Variants in ABCB11 observed in about 807,000 individuals in gnomAD.
ABCB11 encodes the protein bile salt export pump.
A neutral mutation model predicts 148.0 loss-of-function variants in ABCB11; 95 were observed. That is an observed-to-expected ratio of 0.64 (90% CI 0.54 to 0.76). ABCB11 has a LOEUF of 0.76. Among genes scored for constraint, ABCB11 ranks in the 30% least tolerant of loss-of-function variants. The pLI, the probability that ABCB11 is intolerant of heterozygous loss-of-function variation, is 0.00. For missense variants in ABCB11, 1,523 were observed against 1,617.8 expected, an observed-to-expected ratio of 0.94 and a Z score of 1.01; for synonymous variants, 591 against 555.4, an observed-to-expected ratio of 1.06 and a Z score of -0.90.
In ABCB11 at chr2:168,932,519, ACTGCAGAGATCACC is replaced by A; in HGVS notation, c.3057_3070del (p.Arg1019SerfsTer22). 1 of 1,613,566 alleles carries A rather than the reference ACTGCAGAGATCACC, an allele frequency of 6.2e-7. No homozygotes were observed. Among genetic ancestry groups the A allele is most frequent in the Non-Finnish European group, 8.5e-7 (1 of 1,179,750 alleles). On this transcript the variant is annotated frameshift_variant and splice_region_variant, in exon 24 of 28. Transcript: ENST00000650372. LOFTEE classifies it high-confidence loss of function. ...TCCAAGAGCTGTTGCACTCAGTACA[ACTGCAGAGATCACC>A]CTGTAACCAGACAGACACACAGGAA...
Position 168,964,216 on chromosome 2 carries a change from T to A in ABCB11, c.2168A>T (p.Glu723Val). 1 of 1,555,684 alleles carries A rather than the reference T, an allele frequency of 6.4e-7. No homozygotes were observed. Among genetic ancestry groups the A allele is most frequent in the African/African-American group, 1.4e-5 (1 of 73,488 alleles). Reference protein sequence around the residue: ...AVVDHKSTYEEDRKDKDIPVQ... With the variant: ...AVVDHKSTYEVDRKDKDIPVQ... The stretch of plus-strand genomic sequence containing the variant: ...CAGTTGGTGCCTGACCTTTCTATCT[T>A]CTTCATAGGTAGACTTATGATCTAC... The change falls in exon 18 of 28, where the codon GAA (glutamate) becomes GTA (valine). Residue 723 changes from glutamate (E) to valine (V), a missense_variant. By Grantham distance (121) the Glu-to-Val change is moderately radical (BLOSUM62 -2). Coordinates refer to ENST00000650372, the MANE Select transcript of ABCB11 (RefSeq NM_003742.4).
rs1559202229 is a variant in ABCB11 at position 168,958,069 on chromosome 2, T to C, written c.2238A>G (p.Lys746=). 1 of 1,611,464 alleles carries C rather than the reference T, an allele frequency of 6.2e-7. No individual in the cohort carries two copies. The highest frequency in any genetic ancestry group is 8.5e-7 in the Non-Finnish European group (1 of 1,178,326). ...VEPAPVRRIL[K]FSAPEWPYML... The stretch of plus-strand genomic sequence containing the variant: ...TGTAGGGCCATTCTGGAGCACTGAA[T>C]TTCAGAATCCTCCTAACTGGGGCAG... The change falls in exon 19 of 28, where the codon AAA becomes AAG. Residue 746 remains lysine (K), a synonymous_variant. Transcript: ENST00000650372.
intron 17 of ABCB11, 89 bp downstream of exon 17, chr2:168,968,338 T>C (rs939088627): frequency 2.4e-6 from 3 of 1,242,660 alleles, no homozygotes; most frequent in Non-Finnish European, 3.5e-6. Flanking sequence ...TTCCTTGTTG[T>C]ACCTGAGATA....
intron 25 of ABCB11, among the ~76,000 whole-genome samples, chr2:168,928,138 A>G (rs939730850): frequency 6.6e-6 from 1 of 152,228 alleles, no homozygotes; most frequent in Non-Finnish European, 1.5e-5. Context: ...TATATTTAAG[A>G]TAATTTCTAA....
intron 24 of ABCB11, among the ~76,000 whole-genome samples, chr2:168,931,974 C>G (rs1469831218): frequency 6.6e-6 from 1 of 152,140 alleles, no homozygotes; most frequent in Non-Finnish European, 1.5e-5. Flanking sequence ...TACGCACAAC[C>G]TTACCCCTCA....
At chr2:168,990,715 G>A in intron 9 of ABCB11, 86 bp downstream of exon 9, 2 of 1,554,158 alleles carry the variant, frequency 1.3e-6, no homozygotes, top group South Asian at 1.1e-5. Context: ...ACCAAGGTGG[G>A]TCTGCCGCTT....
downstream of ABCB11, among the ~76,000 whole-genome samples, chr2:168,916,748 C>A (rs1690948620): frequency 6.6e-6 from 1 of 152,138 alleles, no homozygotes; most frequent in African/African-American, 2.4e-5. Flanking sequence ...TATGATGGTA[C>A]ACATGTATAT....
chr2:168,992,844 A>G (rs774386023), intron 8 of ABCB11, among the ~76,000 whole-genome samples: 3 of 152,056 alleles, frequency 2.0e-5, no homozygotes, highest in Non-Finnish European at 4.4e-5. Context: ...ATATTTTGCT[A>G]TTGAGCAATA....
rs773735682 is a variant in ABCB11, at chr2:168,922,995, T to C, written c.*627A>G. 1 of 153,988 alleles carries C rather than the reference T, an allele frequency of 6.5e-6. No homozygotes were observed. The highest frequency in any genetic ancestry group is 2.4e-5 in the African/African-American group (1 of 41,436). 9.5% of individuals were successfully genotyped at this position (153,988 alleles called of 1,614,324 possible). A position where few individuals can be genotyped will look rare whatever the true frequency, so the allele number is the denominator to read the frequency against. On this transcript the variant is annotated 3_prime_UTR_variant, in exon 28 of 28. Coordinates refer to ENST00000650372, the MANE Select transcript of ABCB11 (RefSeq NM_003742.4). The stretch of plus-strand genomic sequence containing the variant: ...TAAAGCATAAATCAACAGCCCTAAC[T>C]GGAAAGCTCATGCTAATACTTTCCC...
chr2:169,028,685 C>A (rs1030938654), intron 1 of ABCB11, among the ~76,000 whole-genome samples: 3 of 151,810 alleles, frequency 2.0e-5, no homozygotes, highest in Non-Finnish European at 4.4e-5. Flanking sequence ...GTCTTTTAGG[C>A]AAGAAAGGAT....
chr2:169,023,547 A>G (rs1167619446), intron 1 of ABCB11, among the ~76,000 whole-genome samples: 1 of 152,266 alleles, frequency 6.6e-6, no homozygotes, highest in East Asian at 1.9e-4. Context: ...TCAATAATCT[A>G]TAGAATAGAC....
At chr2:168,952,360 A>AT (rs975379643) in intron 19 of ABCB11, among the ~76,000 whole-genome samples, 11 of 149,252 alleles carry the variant, frequency 7.4e-5, no homozygotes, top group African/African-American at 2.2e-4. Context: ...CTGGGCTTTT[A>AT]TTTTTTTTTG....
intron 12 of ABCB11, among the ~76,000 whole-genome samples, chr2:168,975,357 A>C (rs1197975283): frequency 4.0e-5 from 1 of 24,898 alleles, no homozygotes; most frequent in Admixed American, 4.3e-4. Context: ...ATTTATAGAT[A>C]AATATATAAA....
chr2:169,024,842 A>T (rs1695645962), intron 1 of ABCB11, among the ~76,000 whole-genome samples: 1 of 152,204 alleles, frequency 6.6e-6, no homozygotes, highest in African/African-American at 2.4e-5. Context: ...ATAGCATATT[A>T]AGAAGTAGAG....
Position 169,013,212 on chromosome 2 carries a change from T to C in ABCB11, c.389+60A>G, listed in dbSNP as rs561145054. Reference sequence around the variant, plus strand: ...GCCAGTAAAATCCCCTCTATACATTTTGAATTACAATTTAAGATATGAGCA... The same window carrying C: ...GCCAGTAAAATCCCCTCTATACATTCTGAATTACAATTTAAGATATGAGCA... On this transcript the variant is annotated intron_variant, in intron 5 of 27. Coordinates refer to ENST00000650372, the MANE Select transcript of ABCB11 (RefSeq NM_003742.4). 106 of 1,326,562 alleles carry C rather than the reference T, an allele frequency of 8.0e-5. 1 individual carries two copies. The South Asian group carries it at 1.4e-3, about 17-fold the overall frequency. The allele number at this position is 1,326,562 out of a possible 1,614,324, so 82.2% of individuals were successfully genotyped here. A position where few individuals can be genotyped will look rare whatever the true frequency, so the allele number is the denominator to read the frequency against.
chr2:168,996,615 T>C lies in ABCB11; in HGVS notation c.477+20A>G. 7.2e-7 allele frequency: 1 copy of C among 1,398,546 alleles called. No individual in the cohort carries two copies. Among genetic ancestry groups the C allele is most frequent in the Non-Finnish European group, 9.6e-7 (1 of 1,039,876 alleles). The allele number at this position is 1,398,546 out of a possible 1,614,324, so 86.6% of individuals were successfully genotyped here. ...TGAGGTCAGATATTGATCTATAAAT[T>C]ATACGGAGGAGCTACTAACTTGAAT... is the stretch of plus-strand genomic sequence containing the variant. On this transcript the variant is annotated intron_variant, in intron 6 of 27. Coordinates refer to ENST00000650372, the MANE Select transcript of ABCB11 (RefSeq NM_003742.4).
At chr2:169,008,274 T>C (rs780471107) in intron 5 of ABCB11, among the ~76,000 whole-genome samples, 1 of 152,186 alleles carries the variant, frequency 6.6e-6, no homozygotes, top group Admixed American at 6.5e-5. Flanking sequence ...TGTTCCCTCC[T>C]AAGGCCCTAA....
intron 18 of ABCB11, among the ~76,000 whole-genome samples, chr2:168,963,467 C>A (rs1693164870): frequency 6.6e-6 from 1 of 151,586 alleles, no homozygotes; most frequent in South Asian, 2.1e-4. Context: ...ATGTAACGTG[C>A]AGTAATGAGG....
At chr2:169,028,686 A>G (rs140380440) in intron 1 of ABCB11, among the ~76,000 whole-genome samples, 1 of 152,130 alleles carries the variant, frequency 6.6e-6, no homozygotes, top group East Asian at 1.9e-4. Context: ...TCTTTTAGGC[A>G]AGAAAGGATA....
Sources: gnomAD v4.1 joint callset for allele counts (sites outside exome capture counted in the v4.1 genomes callset) on GRCh38, gnomAD v4.1.1 for gene constraint, MANE v1.5 for transcripts, NCBI Gene and HGNC (gene_info 2026-07-23, HGNC 2026-07-21) for gene names.